The following CADPS variants were observed in gnomAD, a reference collection of about 807,000 sequenced individuals.
CADPS encodes calcium-dependent secretion activator 1.
CADPS carries 57 observed loss-of-function variants against 167.3 expected under a neutral mutation model. That is an observed-to-expected ratio of 0.34 (90% CI 0.28 to 0.42). The LOEUF is 0.42. CADPS is among the 20% of genes least tolerant of loss of function. CADPS has a pLI of 1.00. For missense variants in CADPS, 1,414 were observed against 1,738.1 expected, an observed-to-expected ratio of 0.81 and a Z score of 3.32; for synonymous variants, 676 against 635.3, an observed-to-expected ratio of 1.06 and a Z score of -0.96.
At chr3:62,578,901 G>C (rs2082850221) in intron 8 of CADPS, among the ~76,000 whole-genome samples, 2 of 152,152 alleles carry the variant, frequency 1.3e-5, no homozygotes, top group African/African-American at 4.8e-5. Context: ...CAGTACCCTG[G>C]TTTCAGAGTC....
chr3:62,670,875 G>A (rs572061362), intron 3 of CADPS, among the ~76,000 whole-genome samples: 4 of 152,178 alleles, frequency 2.6e-5, no homozygotes, highest in African/African-American at 9.6e-5. Context: ...GATTACTTTA[G>A]CCAGGCATCA....
intron 6 of CADPS, among the ~76,000 whole-genome samples, chr3:62,595,548 G>T (rs979758116): frequency 2.0e-5 from 3 of 152,192 alleles, no homozygotes; most frequent in African/African-American, 7.2e-5. Flanking sequence ...TTTGGAACAG[G>T]TTGAGAACCC....
At chr3:62,830,521 GAATA>G (rs1395716734) in intron 1 of CADPS, among the ~76,000 whole-genome samples, 6 of 152,230 alleles carry the variant, frequency 3.9e-5, no homozygotes, top group South Asian at 4.2e-4. Flanking sequence ...TTCTCTAGAA[GAATA>G]AATACAAGAA....
chr3:62,827,125 G>T (rs2074208940), intron 1 of CADPS, among the ~76,000 whole-genome samples: 2 of 152,116 alleles, frequency 1.3e-5, no homozygotes, highest in Admixed American at 6.6e-5. Context: ...AGAGGGTGTG[G>T]GGGTGCTATT....
intron 28 of CADPS, among the ~76,000 whole-genome samples, chr3:62,405,455 A>AT (rs924407847): frequency 2.3e-4 from 33 of 140,636 alleles, no homozygotes; most frequent in East Asian, 1.9e-3. Context: ...CAGGAAAAAA[A>AT]AAAAAAAAAT....
intron 28 of CADPS, among the ~76,000 whole-genome samples, chr3:62,425,609 C>T (rs985791058): frequency 2.0e-5 from 3 of 152,168 alleles, no homozygotes; most frequent in Admixed American, 1.3e-4. Context: ...CAAAATTACA[C>T]GCATATAAAA....
intron 5 of CADPS, among the ~76,000 whole-genome samples, chr3:62,648,618 T>A (rs1382782273): frequency 7.6e-6 from 1 of 132,130 alleles, no homozygotes; most frequent in Non-Finnish European, 1.5e-5. Flanking sequence ...TCCAGGAAGT[T>A]GAGGCTGCAG....
intron 1 of CADPS, among the ~76,000 whole-genome samples, chr3:62,810,836 G>A (rs958240609): frequency 1.3e-5 from 2 of 152,216 alleles, no homozygotes; most frequent in Non-Finnish European, 1.5e-5. Context: ...TTGTGAGGGC[G>A]CAGGGCTCTT....
At chr3:62,521,930 A>G (rs2070711855) in intron 13 of CADPS, among the ~76,000 whole-genome samples, 1 of 152,152 alleles carries the variant, frequency 6.6e-6, no homozygotes, top group Non-Finnish European at 1.5e-5. Context: ...AGCTACCAGG[A>G]CACCCTCCTC....
intron 1 of CADPS, among the ~76,000 whole-genome samples, chr3:62,870,487 G>A (rs1156526744): frequency 6.6e-6 from 1 of 152,056 alleles, no homozygotes; most frequent in Admixed American, 6.6e-5. Context: ...AAATGAATAA[G>A]GAAAGAATTT....
intron 7 of CADPS, among the ~76,000 whole-genome samples, chr3:62,591,264 G>T (rs550659196): frequency 6.6e-6 from 1 of 152,298 alleles, no homozygotes; most frequent in Admixed American, 6.5e-5. Flanking sequence ...CAGTGGGGCA[G>T]ACAGAAGCCT....
chr3:62,851,643 C>T (rs1342740188), intron 1 of CADPS, among the ~76,000 whole-genome samples: 23 of 140,768 alleles, frequency 1.6e-4, no homozygotes, highest in Non-Finnish European at 3.3e-4. Flanking sequence ...CCGAGAGATC[C>T]GCTGTTAGTC....
intron 3 of CADPS, among the ~76,000 whole-genome samples, chr3:62,716,611 T>C (rs899414910): frequency 6.0e-5 from 9 of 149,234 alleles, no homozygotes; most frequent in African/African-American, 2.2e-4. Context: ...TTACTGTCTA[T>C]ATCAAAACCA....
intron 27 of CADPS, among the ~76,000 whole-genome samples, 184 bp downstream of exon 27, chr3:62,445,581 G>GA (rs995370404): frequency 2.3e-4 from 34 of 149,926 alleles, no homozygotes; most frequent in South Asian, 6.3e-4. Flanking sequence ...CTTCTTATCT[G>GA]AAAAAAAAAT....
At chr3:62,719,160 TCTGCATGGCCTAGCCC>T (rs1241219490) in intron 3 of CADPS, among the ~76,000 whole-genome samples, 2 of 152,176 alleles carry the variant, frequency 1.3e-5, no homozygotes, top group African/African-American at 2.4e-5. Flanking sequence ...TAAGCTGGGA[TCTGCATGGCCTAGCCC>T]CTGCCTGCCT....
At chr3:62,442,332 C>T (rs951611441) in intron 27 of CADPS, among the ~76,000 whole-genome samples, 1 of 151,868 alleles carries the variant, frequency 6.6e-6, no homozygotes, top group Admixed American at 6.6e-5. Context: ...CTGCCTCAGC[C>T]TCTCTGGAGG....
intron 3 of CADPS, among the ~76,000 whole-genome samples, chr3:62,676,310 T>A (rs1227635155): frequency 6.6e-6 from 1 of 152,142 alleles, no homozygotes; most frequent in Non-Finnish European, 1.5e-5. Flanking sequence ...AAAGAGGTGT[T>A]CAATATATAT....
intron 6 of CADPS, among the ~76,000 whole-genome samples, chr3:62,603,146 G>T (rs1219162006): frequency 6.6e-6 from 1 of 152,144 alleles, no homozygotes; most frequent in Non-Finnish European, 1.5e-5. Flanking sequence ...CACAGGACAG[G>T]GTTCTATGCC....
rs997915484 is a variant in CADPS, at chr3:62,403,347, T to C, written c.3778-162A>G. ...AGTTTAATGAACGTTAGTTAGTTTATACAAAATTGCAAGGTACTGGGTACT... is the reference window on the plus strand; with the variant it reads ...AGTTTAATGAACGTTAGTTAGTTTACACAAAATTGCAAGGTACTGGGTACT... On this transcript the variant is annotated intron_variant, in intron 28 of 29. Coordinates refer to ENST00000383710, the MANE Select transcript of CADPS (RefSeq NM_003716.4). The C allele has an allele frequency of 8.8e-6, 5 of 566,514 alleles. No individual in the cohort carries two copies. The East Asian group carries it at 1.5e-4, about 17-fold the overall frequency. The allele number at this position is 566,514 out of a possible 1,614,324, so 35.1% of individuals were successfully genotyped here.
Sources: gnomAD v4.1 joint callset for allele counts (sites outside exome capture counted in the v4.1 genomes callset) on GRCh38, gnomAD v4.1.1 for gene constraint, MANE v1.5 for transcripts, NCBI Gene and HGNC (gene_info 2026-07-23, HGNC 2026-07-21) for gene names.